TDRD10: variants seen among roughly 807,000 people sequenced by gnomAD.
TDRD10 encodes tudor domain-containing protein 10.
TDRD10 carries 40 observed loss-of-function variants against 48.0 expected under a neutral mutation model. The ratio of observed to expected loss-of-function variants is 0.83; its 90% CI spans 0.65 to 1.09. TDRD10 has a LOEUF of 1.09. Ranked by LOEUF, TDRD10 falls within the 50% of genes least tolerant of loss-of-function variation. The pLI is 0.00. For synonymous variants in TDRD10, 162 were observed against 170.4 expected (o/e 0.95, Z 0.38); for missense variants, 378 against 434.7 (o/e 0.87, Z 1.16).
At chr1:154,535,238 A>T (rs1422220362) in intron 6 of TDRD10, among the ~76,000 whole-genome samples, 1 of 152,076 alleles carries the variant, frequency 6.6e-6, no homozygotes, top group East Asian at 1.9e-4. Flanking sequence ...GTGGTGGTGC[A>T]CACCTGTAAT....
intron 6 of TDRD10, among the ~76,000 whole-genome samples, chr1:154,522,986 G>C (rs1220552431): frequency 1.3e-5 from 2 of 152,070 alleles, no homozygotes; most frequent in Non-Finnish European, 2.9e-5. Flanking sequence ...AGTTATCTCA[G>C]CTCACTGCAA....
chr1:154,545,927 AT>A (rs559924225), intron 11 of TDRD10, among the ~76,000 whole-genome samples: 1,655 of 85,482 alleles, frequency 0.019, 63 homozygotes, highest in African/African-American at 0.074. Flanking sequence ...CACCCAGCTA[AT>A]TTTTTTTTTT....
chr1:154,520,425 C>T, intron 5 of TDRD10, 51 bp downstream of exon 5: 1 of 1,490,914 alleles, frequency 6.7e-7, no homozygotes, highest in Non-Finnish European at 9.4e-7. Flanking sequence ...CCTTTCCTCC[C>T]TGTCCATTTT....
intron 6 of TDRD10, among the ~76,000 whole-genome samples, chr1:154,541,365 C>T (rs1458739631): frequency 6.6e-6 from 1 of 151,938 alleles, no homozygotes; most frequent in Non-Finnish European, 1.5e-5. Context: ...GATGAAGAGG[C>T]AAGTTAATGG....
intron 4 of TDRD10, among the ~76,000 whole-genome samples, chr1:154,519,586 A>G (rs1374166596): frequency 1.3e-5 from 2 of 152,194 alleles, no homozygotes; most frequent in Admixed American, 1.3e-4. Flanking sequence ...GCATTTCAGT[A>G]GGGCTGGAAC....
intron 6 of TDRD10, among the ~76,000 whole-genome samples, chr1:154,528,804 A>G (rs1394594111): frequency 9.3e-6 from 1 of 107,834 alleles, no homozygotes; most frequent in Non-Finnish European, 2.0e-5. Flanking sequence ...CTACAGAGTA[A>G]GACTCTGTCT....
chr1:154,527,754 A>G (rs1320783079), intron 6 of TDRD10, among the ~76,000 whole-genome samples: 1 of 152,238 alleles, frequency 6.6e-6, no homozygotes, highest in Non-Finnish European at 1.5e-5. Context: ...CAATAATATA[A>G]CTAACAAAGG....
At chr1:154,547,365 A>C in intron 11 of TDRD10, 44 bp from the exon 12 acceptor site, 146 of 1,610,380 alleles carry the variant, frequency 9.1e-5, no homozygotes, top group Non-Finnish European at 1.2e-4. Flanking sequence ...CCTCCTGCCC[A>C]ACCCCGTGCC....
At chr1:154,537,986 G>A (rs1570970491) in intron 6 of TDRD10, among the ~76,000 whole-genome samples, 1 of 152,130 alleles carries the variant, frequency 6.6e-6, no homozygotes, top group Non-Finnish European at 1.5e-5. Flanking sequence ...TGTGGCTTCC[G>A]TGTGGCCACC....
Position 154,514,878 on chromosome 1 carries a change from T to TTTA in TDRD10, c.142-5424_142-5423insATT, listed in dbSNP as rs1553195475. On this transcript the variant is annotated intron_variant, in intron 4 of 12. Coordinates refer to ENST00000368482, the MANE Select transcript of TDRD10 (RefSeq NM_182499.4). ...TATTTATTTATTTATTTATTTATTT[T>TTTA]TTTTTTTGAGACGGAGCCTTACTCT... Among the ~76,000 whole-genome samples the TTTA allele has an allele frequency of 2.6e-3, 365 of 142,572 alleles. 2 individuals are homozygous for TTTA. The highest frequency in any genetic ancestry group is 0.022 in the East Asian group (107 of 4,808). The allele number at this position is 142,572 out of a possible 152,430, so 93.5% of individuals were successfully genotyped here.
chr1:154,533,339 C>T (rs1453314462), intron 6 of TDRD10, among the ~76,000 whole-genome samples: 1 of 147,278 alleles, frequency 6.8e-6, no homozygotes, highest in Non-Finnish European at 1.5e-5. Flanking sequence ...CTAGAAAGAG[C>T]AGGCTTTTGT....
intron 4 of TDRD10, among the ~76,000 whole-genome samples, chr1:154,519,186 G>C (rs980538061): frequency 1.3e-5 from 2 of 152,192 alleles, no homozygotes; most frequent in African/African-American, 4.8e-5. Context: ...CACATTGCTC[G>C]TTCTCACGAA....
At chr1:154,510,485 G>T (rs1377735992) in intron 4 of TDRD10, among the ~76,000 whole-genome samples, 1 of 151,884 alleles carries the variant, frequency 6.6e-6, no homozygotes, top group African/African-American at 2.4e-5. Context: ...CCAGCTACTC[G>T]GGAGGCTGAG....
chr1:154,520,766 C>G (rs1054784540), intron 5 of TDRD10, among the ~76,000 whole-genome samples: 1 of 152,206 alleles, frequency 6.6e-6, no homozygotes, highest in Non-Finnish European at 1.5e-5. Flanking sequence ...GAGACAGGGT[C>G]TTGCTCTGTC....
rs1571001416 is a variant in TDRD10, at chr1:154,547,447, A to C, written c.991A>C (p.Lys331Gln). The C allele has an allele frequency of 6.2e-7, 1 of 1,614,210 alleles. No individual in the cohort carries two copies. Among genetic ancestry groups the C allele is most frequent in the East Asian group, 2.2e-5 (1 of 44,886 alleles). Residue 331 changes from lysine (K) to glutamine (Q), a missense_variant, in exon 12 of 13, where the codon AAA becomes CAA. Lys to Gln is a moderately conservative substitution (Grantham distance 53). This residue lies in a region of TDRD10 where 68 missense variants were observed against 111.1 expected (regional missense o/e 0.61). Coordinates refer to ENST00000368482, the MANE Select transcript of TDRD10 (RefSeq NM_182499.4). ...GTATGAGGTTGTCCATCGAATCCTC[A>C]AAGGGAAAATCACTGGTGCTTTGAA... ...SSYEVVHRIL[K>Q]GKITGALNSA... is the part of the protein sequence containing the mutation.
chr1:154,529,548 T>A (rs1570946968), intron 6 of TDRD10, among the ~76,000 whole-genome samples: 1 of 8,260 alleles, frequency 1.2e-4, no homozygotes, highest in Non-Finnish European at 5.5e-4. Flanking sequence ...CTGTGTTCAT[T>A]TTTTTTTTTT....
chr1:154,539,406 A>C (rs569197699), intron 6 of TDRD10, among the ~76,000 whole-genome samples: 3 of 152,202 alleles, frequency 2.0e-5, no homozygotes, highest in South Asian at 4.1e-4. Flanking sequence ...GGGTTCAAGC[A>C]ATCCTCCTGT....
intron 6 of TDRD10, among the ~76,000 whole-genome samples, chr1:154,522,755 C>T (rs1432198484): frequency 6.6e-6 from 1 of 152,190 alleles, no homozygotes; most frequent in Non-Finnish European, 1.5e-5. Context: ...GACTATACTG[C>T]TTAGGAACCT....
At chr1:154,542,459 C>T (rs1397118437) in intron 7 of TDRD10, among the ~76,000 whole-genome samples, 1 of 152,182 alleles carries the variant, frequency 6.6e-6, no homozygotes, top group Non-Finnish European at 1.5e-5. Flanking sequence ...AACTCCTTGC[C>T]TTAAGTGATC....
Sources: allele counts gnomAD v4.1 joint callset (sites outside exome capture counted in the v4.1 genomes callset), GRCh38; gene constraint gnomAD v4.1.1; regional missense constraint gnomAD v4.1.1; transcripts MANE v1.5; gene names NCBI Gene and HGNC (gene_info 2026-07-23, HGNC 2026-07-21).